Variants in PNMA8C observed in about 807,000 individuals in gnomAD.
PNMA8C encodes PNMA family member 8C.
At position 46,427,526 on chromosome 19, in the gene PNMA8C, G is replaced by T. The variant is rs1368205643; in HGVS notation, c.*219C>A. The T allele has an allele frequency of 2.6e-6, 1 of 379,650 alleles. No individual in the cohort carries two copies. The highest frequency in any genetic ancestry group is 4.7e-6 in the Non-Finnish European group (1 of 214,286). The allele number at this position is 379,650 out of a possible 1,614,324, so 23.5% of individuals were successfully genotyped here. ...CCACAAGTTAGTTAACTCAGATAAA[G>T]ATATCCACCTCTTTCGCACTAGTCA... On this transcript the variant is annotated 3_prime_UTR_variant, in exon 1 of 1. Coordinates refer to ENST00000617053, the MANE Select transcript of PNMA8C (RefSeq NM_001386793.1).
Position 46,428,191 on chromosome 19 carries a change from C to A in PNMA8C, c.169G>T (p.Ala57Ser), listed in dbSNP as rs1969434436. 3 of 398,564 alleles carry A rather than the reference C, an allele frequency of 7.5e-6. No homozygotes were observed. The highest frequency in any genetic ancestry group is 8.8e-6 in the Non-Finnish European group (2 of 226,100). The allele number at this position is 398,564 out of a possible 1,614,324, so 24.7% of individuals were successfully genotyped here. ...PLKPLGKFEV[A>S]GKAYLEEDKS... The stretch of plus-strand genomic sequence containing the variant: ...TCTTCTTCCAGATAGGCCTTCCCAG[C>A]CACTTCGAACTTGCCTAGAGGTTTG... The change falls in exon 1 of 1, where the codon GCT becomes TCT. Residue 57 changes from alanine to serine, a missense_variant. Physicochemically the swap from Ala to Ser is moderately conservative, Grantham distance 99. Transcript: ENST00000617053.
chr19:46,428,764 C>T lies in PNMA8C; in HGVS notation c.-405G>A, dbSNP rs537241452. The T allele has an allele frequency of 2.7e-3, 434 of 162,848 alleles. 2 individuals are homozygous for T. The highest frequency in any genetic ancestry group is 0.01 in the African/African-American group (421 of 42,044). The allele number at this position is 162,848 out of a possible 1,614,324, so 10.1% of individuals were successfully genotyped here. A position where few individuals can be genotyped will look rare whatever the true frequency, so the allele number is the denominator to read the frequency against. On this transcript the variant is annotated 5_prime_UTR_variant, in exon 1 of 1. Coordinates refer to ENST00000617053, the MANE Select transcript of PNMA8C (RefSeq NM_001386793.1). ...GGTCTCACAGGCCCCAACGGTCTCT[C>T]CGGATCTGGGACTGCTGATCTCCCT...
chr19:46,425,003 T>C lies in PNMA8C; in HGVS notation c.*2742A>G, dbSNP rs1164924959. 1 of 152,118 alleles carries C rather than the reference T, an allele frequency of 6.6e-6. No homozygotes were observed. Among genetic ancestry groups the C allele is most frequent in the Non-Finnish European group, 1.5e-5 (1 of 68,044 alleles). 9.4% of individuals were successfully genotyped at this position (152,118 alleles called of 1,614,324 possible). ...TCTTGAAAGAGAAGTGGTAGGATTT[T>C]GATTTCATGGGCAACATTGAACAAC... On this transcript the variant is annotated 3_prime_UTR_variant, in exon 1 of 1. Transcript: ENST00000617053.
At position 46,425,587 on chromosome 19, in the gene PNMA8C, CAAA is replaced by C. The variant is rs34559985; in HGVS notation, c.*2155_*2157del. On this transcript the variant is annotated 3_prime_UTR_variant, in exon 1 of 1. Coordinates refer to ENST00000617053, the MANE Select transcript of PNMA8C (RefSeq NM_001386793.1). Reference sequence around the variant, plus strand: ...TGGGCTACAGAAGGAGACTCCACCTCAAAAAAAAAAAAAAAAAAAAAAAAAGAA... The same window carrying C: ...TGGGCTACAGAAGGAGACTCCACCTCAAAAAAAAAAAAAAAAAAAAAAGAA... 3.2e-5 allele frequency: 2 copies of C among 62,474 alleles called. No individual in the cohort carries two copies. The highest frequency in any genetic ancestry group is 5.6e-5 in the Non-Finnish European group (2 of 35,566). The allele number at this position is 62,474 out of a possible 1,614,324, so 3.9% of individuals were successfully genotyped here. A position where few individuals can be genotyped will look rare whatever the true frequency, so the allele number is the denominator to read the frequency against.
Position 46,427,877 on chromosome 19 carries a change from G to T in PNMA8C, c.483C>A (p.Ala161=). 2.5e-6 allele frequency: 1 copy of T among 398,648 alleles called. No individual in the cohort carries two copies. The highest frequency in any genetic ancestry group is 1.3e-4 in the South Asian group (1 of 7,854). The allele number at this position is 398,648 out of a possible 1,614,324, so 24.7% of individuals were successfully genotyped here. A position where few individuals can be genotyped will look rare whatever the true frequency, so the allele number is the denominator to read the frequency against. Residue 161 remains alanine, a synonymous_variant, in exon 1 of 1, where the codon GCC becomes GCA. Transcript: ENST00000617053. ...GTGGCACCACGTCCATCTGGACGGT[G>T]GCCCCAGCCTCCGGTTTCTCCCCCA... ...PGLGEKPEAG[A]TVQMDVVPPL...
chr19:46,428,788 C>G lies in PNMA8C; in HGVS notation c.-429G>C, dbSNP rs1969438978. ...TCCGGATCTGGGACTGCTGATCTCC[C>G]TGGGACAACTGCCAACAGAGTGTCG... On this transcript the variant is annotated 5_prime_UTR_variant, in exon 1 of 1. Transcript: ENST00000617053. The G allele has an allele frequency of 6.3e-6, 1 of 157,942 alleles. No individual in the cohort carries two copies. The highest frequency in any genetic ancestry group is 2.4e-5 in the African/African-American group (1 of 41,692). 9.8% of individuals were successfully genotyped at this position (157,942 alleles called of 1,614,324 possible). A position where few individuals can be genotyped will look rare whatever the true frequency, so the allele number is the denominator to read the frequency against.
rs1969431215 is a variant in PNMA8C at position 46,427,801 on chromosome 19, T to C, written c.559A>G (p.Lys187Glu). 5.0e-6 allele frequency: 2 copies of C among 398,570 alleles called. No homozygotes were observed. Among genetic ancestry groups the C allele is most frequent in the Non-Finnish European group, 8.8e-6 (2 of 226,134 alleles). The allele number at this position is 398,570 out of a possible 1,614,324, so 24.7% of individuals were successfully genotyped here. The change falls in exon 1 of 1, where the codon AAA becomes GAA. Residue 187 changes from lysine to glutamate, a missense_variant. Lys to Glu is a moderately conservative substitution (Grantham distance 56, BLOSUM62 1). Coordinates refer to ENST00000617053, the MANE Select transcript of PNMA8C (RefSeq NM_001386793.1). Reference protein sequence around the residue: ...ESKAGVGKRGKRKNKKNRRRH... With the variant: ...ESKAGVGKRGERKNKKNRRRH... ...CGGCGGTTTTTCTTGTTCTTCCTTT[T>C]GCCCCTCTTGCCAACTCCAGCCTTG...
Position 46,427,947 on chromosome 19 carries a change from G to A in PNMA8C, c.413C>T (p.Thr138Met), listed in dbSNP as rs1568595096. The change falls in exon 1 of 1, where the codon ACG becomes ATG. Residue 138 changes from threonine (T) to methionine (M), a missense_variant. Transcript: ENST00000617053. ...VLRQELCPPA[T>M]GPRELPARKC... ...TCTTGCAGGCAGCTCTCTGGGGCCC[G>A]TGGCTGGGGGACACAGTTCCTGCCT... The A allele has an allele frequency of 2.5e-6, 1 of 398,588 alleles. No homozygotes were observed. Among genetic ancestry groups the A allele is most frequent in the Non-Finnish European group, 4.4e-6 (1 of 226,124 alleles). The allele number at this position is 398,588 out of a possible 1,614,324, so 24.7% of individuals were successfully genotyped here.
rs1167342101 is a variant in PNMA8C, at chr19:46,428,131, C to T, written c.229G>A (p.Asp77Asn). Residue 77 changes from aspartate (D) to asparagine (N), a missense_variant, in exon 1 of 1, where the codon GAC (aspartate) becomes AAC (asparagine). Coordinates refer to ENST00000617053, the MANE Select transcript of PNMA8C (RefSeq NM_001386793.1). Reference protein sequence around the residue: ...SKAAIIQLTEDINYAVVPREI... With the variant: ...SKAAIIQLTENINYAVVPREI... ...CTGGGGACCACGGCGTAATTGATGT[C>T]CTCCGTCAGCTGAATGATGGCCGCC... is the stretch of plus-strand genomic sequence containing the variant. 7.3e-5 allele frequency: 29 copies of T among 398,578 alleles called. No homozygotes were observed. The highest frequency in any genetic ancestry group is 1.2e-4 in the Non-Finnish European group (27 of 226,128). The allele number at this position is 398,578 out of a possible 1,614,324, so 24.7% of individuals were successfully genotyped here. A position where few individuals can be genotyped will look rare whatever the true frequency, so the allele number is the denominator to read the frequency against.
At position 46,427,479 on chromosome 19, in the gene PNMA8C, A is replaced by C. The variant is rs532046254; in HGVS notation, c.*266T>G. On this transcript the variant is annotated 3_prime_UTR_variant, in exon 1 of 1. Coordinates refer to ENST00000617053, the MANE Select transcript of PNMA8C (RefSeq NM_001386793.1). ...ATGAGCCACGGGCACCCAGACGTTAACCACACCCACTCAGATGTAACCCAC... is the reference window on the plus strand; with the variant it reads ...ATGAGCCACGGGCACCCAGACGTTACCCACACCCACTCAGATGTAACCCAC... 3.1e-5 allele frequency: 10 copies of C among 323,114 alleles called. No individual in the cohort carries two copies. The South Asian group carries it at 1.4e-3, about 46-fold the overall frequency. The allele number at this position is 323,114 out of a possible 1,614,324, so 20.0% of individuals were successfully genotyped here.
Position 46,427,882 on chromosome 19 carries a change from C to T in PNMA8C, c.478G>A (p.Gly160Arg). Reference sequence around the variant, plus strand: ...ACCACGTCCATCTGGACGGTGGCCCCAGCCTCCGGTTTCTCCCCCAGCCCA... The same window carrying T: ...ACCACGTCCATCTGGACGGTGGCCCTAGCCTCCGGTTTCTCCCCCAGCCCA... ...VPGLGEKPEA[G>R]ATVQMDVVPP... Residue 160 changes from glycine (G) to arginine (R), a missense_variant, in exon 1 of 1, where the codon GGG becomes AGG. By Grantham distance (125) the Gly-to-Arg change is moderately radical. Transcript: ENST00000617053. 1 of 398,708 alleles carries T rather than the reference C, an allele frequency of 2.5e-6. No homozygotes were observed. The highest frequency in any genetic ancestry group is 4.4e-6 in the Non-Finnish European group (1 of 226,116). 24.7% of individuals were successfully genotyped at this position (398,708 alleles called of 1,614,324 possible). A position where few individuals can be genotyped will look rare whatever the true frequency, so the allele number is the denominator to read the frequency against.
Position 46,427,963 on chromosome 19 carries a change from G to C in PNMA8C, c.397C>G (p.Leu133Val), listed in dbSNP as rs1969432266. Residue 133 changes from leucine to valine, a missense_variant, in exon 1 of 1, where the codon CTG becomes GTG. By Grantham distance (32) the Leu-to-Val change is conservative (BLOSUM62 1). Coordinates refer to ENST00000617053, the MANE Select transcript of PNMA8C (RefSeq NM_001386793.1). ...CTGGGGCCCGTGGCTGGGGGACACAGTTCCTGCCTCAGGACCCGGGCCATA... is the reference window on the plus strand; with the variant it reads ...CTGGGGCCCGTGGCTGGGGGACACACTTCCTGCCTCAGGACCCGGGCCATA... ...EDMARVLRQE[L>V]CPPATGPREL... is the part of the protein sequence containing the mutation. 2.5e-6 allele frequency: 1 copy of C among 398,428 alleles called. No homozygotes were observed. The highest frequency in any genetic ancestry group is 4.4e-5 in the Admixed American group (1 of 22,692). 24.7% of individuals were successfully genotyped at this position (398,428 alleles called of 1,614,324 possible).
chr19:46,424,836 T>G lies in PNMA8C; in HGVS notation c.*2909A>C, dbSNP rs1969408001. Reference sequence around the variant, plus strand: ...AAGCCAGATGCAGCCCTCCAACAGCTGGCACATTCAATTTACTTGTGAATT... The same window carrying G: ...AAGCCAGATGCAGCCCTCCAACAGCGGGCACATTCAATTTACTTGTGAATT... On this transcript the variant is annotated 3_prime_UTR_variant, in exon 1 of 1. Transcript: ENST00000617053. 1 of 152,178 alleles carries G rather than the reference T, an allele frequency of 6.6e-6. No individual in the cohort carries two copies. The highest frequency in any genetic ancestry group is 1.5e-5 in the Non-Finnish European group (1 of 68,034). The allele number at this position is 152,178 out of a possible 1,614,324, so 9.4% of individuals were successfully genotyped here.
rs1235697527 is a variant in PNMA8C at position 46,426,738 on chromosome 19, C to T, written c.*1007G>A. ...CAACTCCAGTAAGAGATCTGCAAAA[C>T]CTTGGAATCCAGGACCGTTTCCACC... On this transcript the variant is annotated 3_prime_UTR_variant, in exon 1 of 1. Coordinates refer to ENST00000617053, the MANE Select transcript of PNMA8C (RefSeq NM_001386793.1). 6.6e-6 allele frequency: 1 copy of T among 152,264 alleles called. No individual in the cohort carries two copies. The highest frequency in any genetic ancestry group is 2.4e-5 in the African/African-American group (1 of 41,460). The allele number at this position is 152,264 out of a possible 1,614,324, so 9.4% of individuals were successfully genotyped here.
In PNMA8C at chr19:46,427,827, C is replaced by T. The variant is rs1969431362; in HGVS notation, c.533G>A (p.Ser178Asn). The T allele has an allele frequency of 2.5e-6, 1 of 398,538 alleles. No individual in the cohort carries two copies. The allele number at this position is 398,538 out of a possible 1,614,324, so 24.7% of individuals were successfully genotyped here. Residue 178 changes from serine (S) to asparagine (N), a missense_variant, in exon 1 of 1, where the codon AGC (serine) becomes AAC (asparagine). Physicochemically the swap from Ser to Asn is conservative, Grantham distance 46 (BLOSUM62 1). Transcript: ENST00000617053. ...GCCCCTCTTGCCAACTCCAGCCTTG[C>T]TCTCCTTCTCGGAGGAGTCCAGAGG... is the stretch of plus-strand genomic sequence containing the variant. ...VPPLDSSEKE[S>N]KAGVGKRGKR...
Position 46,427,645 on chromosome 19 carries a change from T to A in PNMA8C, c.*100A>T. 1 of 388,120 alleles carries A rather than the reference T, an allele frequency of 2.6e-6. No individual in the cohort carries two copies. The highest frequency in any genetic ancestry group is 4.5e-6 in the Non-Finnish European group (1 of 219,920). 24.0% of individuals were successfully genotyped at this position (388,120 alleles called of 1,614,324 possible). On this transcript the variant is annotated 3_prime_UTR_variant, in exon 1 of 1. Transcript: ENST00000617053. ...CCACCCTCCCTTGCATTACCCACAC[T>A]CACTCGCACTCCTTAAACGTAGTGA...
At position 46,425,229 on chromosome 19, in the gene PNMA8C, T is replaced by C. The variant is rs577750842; in HGVS notation, c.*2516A>G. 2 of 152,296 alleles carry C rather than the reference T, an allele frequency of 1.3e-5. No homozygotes were observed. The highest frequency in any genetic ancestry group is 4.8e-5 in the African/African-American group (2 of 41,540). 9.4% of individuals were successfully genotyped at this position (152,296 alleles called of 1,614,324 possible). ...ATTTATTCAAGCTCAGACTCTGGGA[T>C]GCAATAACGAACACAGTAGTACAAT... is the stretch of plus-strand genomic sequence containing the variant. On this transcript the variant is annotated 3_prime_UTR_variant, in exon 1 of 1. Transcript: ENST00000617053.
Position 46,427,707 on chromosome 19 carries a change from C to A in PNMA8C, c.*38G>T. The A allele has an allele frequency of 2.5e-6, 1 of 398,108 alleles. No homozygotes were observed. The highest frequency in any genetic ancestry group is 1.4e-4 in the South Asian group (1 of 7,304). 24.7% of individuals were successfully genotyped at this position (398,108 alleles called of 1,614,324 possible). On this transcript the variant is annotated 3_prime_UTR_variant, in exon 1 of 1. Transcript: ENST00000617053. ...CCCTCCCACAGTCATCACCCACACC[C>A]CCTCAGACACTCCCCACGCCCACCC...
In PNMA8C at chr19:46,427,071, A is replaced by G. The variant is rs567228070; in HGVS notation, c.*674T>C. 1 of 152,280 alleles carries G rather than the reference A, an allele frequency of 6.6e-6. No individual in the cohort carries two copies. The highest frequency in any genetic ancestry group is 2.1e-4 in the South Asian group (1 of 4,814). The allele number at this position is 152,280 out of a possible 1,614,324, so 9.4% of individuals were successfully genotyped here. A position where few individuals can be genotyped will look rare whatever the true frequency, so the allele number is the denominator to read the frequency against. On this transcript the variant is annotated 3_prime_UTR_variant, in exon 1 of 1. Coordinates refer to ENST00000617053, the MANE Select transcript of PNMA8C (RefSeq NM_001386793.1). ...CACTCTAATGCTACCCACACTCACTAACGTGTATTCAAGTAACCCAAATGT... is the reference window on the plus strand; with the variant it reads ...CACTCTAATGCTACCCACACTCACTGACGTGTATTCAAGTAACCCAAATGT...
Sources: allele counts gnomAD v4.1 joint callset, GRCh38; gene constraint gnomAD v4.1.1; transcripts MANE v1.5; gene names NCBI Gene and HGNC (gene_info 2026-07-23, HGNC 2026-07-21).